The following GPM6A variants were observed in gnomAD, a reference collection of about 807,000 sequenced individuals.
GPM6A encodes the protein neuronal membrane glycoprotein M6-a.
In GPM6A, 7 loss-of-function variants were observed where a neutral mutation model predicts 32.1. The ratio of observed to expected loss-of-function variants is 0.22; its 90% CI spans 0.12 to 0.41. GPM6A has a LOEUF of 0.41. GPM6A is among the 10% of genes least tolerant of loss of function. The pLI, the probability that GPM6A is intolerant of heterozygous loss-of-function variation, is 1.00. For missense variants in GPM6A, 235 were observed against 347.2 expected (o/e 0.68, Z 2.57); for synonymous variants, 130 against 123.4 (o/e 1.05, Z -0.35).
intron 1 of GPM6A, among the ~76,000 whole-genome samples, chr4:175,784,919 G>C (rs1733740046): frequency 6.6e-6 from 1 of 152,140 alleles, no homozygotes; most frequent in South Asian, 2.1e-4. Context: ...CTCAATCCTA[G>C]TAAGAAAAGT....
chr4:175,847,907 A>G (rs755693450), intron 1 of GPM6A, among the ~76,000 whole-genome samples: 14 of 152,192 alleles, frequency 9.2e-5, no homozygotes, highest in East Asian at 1.9e-4. Context: ...GCTCTGATCA[A>G]CGTCAACCAG....
At chr4:175,700,250 A>G (rs1232304891) in intron 2 of GPM6A, among the ~76,000 whole-genome samples, 1 of 152,186 alleles carries the variant, frequency 6.6e-6, no homozygotes, top group African/African-American at 2.4e-5. Flanking sequence ...AAATACTTTG[A>G]AATATACTTT....
chr4:175,670,991 G>A (rs1743029004), intron 3 of GPM6A, among the ~76,000 whole-genome samples: 1 of 151,082 alleles, frequency 6.6e-6, no homozygotes, highest in Non-Finnish European at 1.5e-5. Context: ...AGCCTCCCAA[G>A]TAGCTGGAAT....
intron 1 of GPM6A, among the ~76,000 whole-genome samples, chr4:175,826,333 A>ATG (rs1166423991): frequency 1.7e-5 from 2 of 120,670 alleles, no homozygotes; most frequent in Non-Finnish European, 3.8e-5. Context: ...AGTGGCGTAC[A>ATG]CGTGTGTGTG....
chr4:175,658,406 G>T (rs1742208587), intron 3 of GPM6A, among the ~76,000 whole-genome samples: 1 of 152,108 alleles, frequency 6.6e-6, no homozygotes, highest in Non-Finnish European at 1.5e-5. Context: ...ATCAGTGGTT[G>T]CCAAGTGTAG....
chr4:175,854,314 T>G (rs1736352021), intron 1 of GPM6A, among the ~76,000 whole-genome samples: 1 of 152,152 alleles, frequency 6.6e-6, no homozygotes, highest in Non-Finnish European at 1.5e-5. Context: ...AAAAGAGGAA[T>G]AAAGTCAGAG....
At chr4:175,636,293 T>TATATATATATATATAC in intron 6 of GPM6A, among the ~76,000 whole-genome samples, 1 of 130,904 alleles carries the variant, frequency 7.6e-6, no homozygotes, top group Non-Finnish European at 1.6e-5. Context: ...TATATATATA[T>TATATATATATATATAC]ATATACATAT....
intron 2 of GPM6A, among the ~76,000 whole-genome samples, chr4:175,694,060 C>T (rs932062193): frequency 6.6e-6 from 1 of 152,124 alleles, no homozygotes; most frequent in Non-Finnish European, 1.5e-5. Context: ...TTGTGAGTTT[C>T]CTGAGGCCTC....
chr4:175,713,137 T>C (rs899434575), intron 1 of GPM6A, among the ~76,000 whole-genome samples: 2 of 152,184 alleles, frequency 1.3e-5, no homozygotes, highest in Non-Finnish European at 2.9e-5. Flanking sequence ...CTGTAAAATG[T>C]TTAGCAAACA....
chr4:175,699,309 G>A (rs1744742817), intron 2 of GPM6A, among the ~76,000 whole-genome samples: 1 of 152,064 alleles, frequency 6.6e-6, no homozygotes, highest in Non-Finnish European at 1.5e-5. Flanking sequence ...TTAAAGGGTT[G>A]ATTCATGCTA....
At chr4:175,707,498 A>C (rs1745264515) in intron 1 of GPM6A, among the ~76,000 whole-genome samples, 1 of 152,174 alleles carries the variant, frequency 6.6e-6, no homozygotes, top group East Asian at 1.9e-4. Context: ...TGTATAAATT[A>C]TTTATGTAAT....
intron 1 of GPM6A, among the ~76,000 whole-genome samples, chr4:175,727,998 C>T (rs904515046): frequency 3.6e-5 from 4 of 110,214 alleles, no homozygotes; most frequent in Non-Finnish European, 7.4e-5. Context: ...AGCGAGACTC[C>T]GTTTCAAAAA....
At chr4:175,897,942 C>G (rs1737846284) in intron 1 of GPM6A, among the ~76,000 whole-genome samples, 1 of 152,152 alleles carries the variant, frequency 6.6e-6, no homozygotes, top group African/African-American at 2.4e-5. Context: ...TTATATTTTA[C>G]TAAAGTTGGC....
At chr4:175,876,102 T>G (rs1163327047) in intron 1 of GPM6A, among the ~76,000 whole-genome samples, 2 of 152,194 alleles carry the variant, frequency 1.3e-5, no homozygotes, top group Non-Finnish European at 2.9e-5. Flanking sequence ...TAGACAAAAT[T>G]TTAATGCAGC....
At chr4:175,985,098 C>T (rs75706591) in intron 1 of GPM6A, among the ~76,000 whole-genome samples, 1,763 of 152,226 alleles carry the variant, frequency 0.012, 28 homozygotes, top group African/African-American at 0.041. Context: ...CTTTTCCTTA[C>T]AGAATTTTAG....
chr4:175,991,048 T>C (rs1279095320), intron 1 of GPM6A, among the ~76,000 whole-genome samples: 1 of 150,688 alleles, frequency 6.6e-6, no homozygotes, highest in Admixed American at 6.6e-5. Context: ...TCTTTTTAAA[T>C]CTTTCTTTCT....
At chr4:175,812,625 G>A, upstream of GPM6A, 2 of 993,548 alleles carry the variant, frequency 2.0e-6, no homozygotes, top group Non-Finnish European at 2.4e-6. Flanking sequence ...ATGGGGAAAA[G>A]AAATTGAGGT....
intron 1 of GPM6A, among the ~76,000 whole-genome samples, chr4:175,907,891 T>C (rs551627073): frequency 1.3e-5 from 2 of 152,306 alleles, no homozygotes; most frequent in East Asian, 1.9e-4. Flanking sequence ...TAAGTTCGTA[T>C]GCTTTTTCCT....
chr4:175,803,268 A>T (rs1047608058), intron 1 of GPM6A, among the ~76,000 whole-genome samples: 1 of 152,122 alleles, frequency 6.6e-6, no homozygotes, highest in Non-Finnish European at 1.5e-5. Context: ...AACGATAAAA[A>T]CTTTACCCTT....
Sources: gnomAD v4.1 joint callset for allele counts (sites outside exome capture counted in the v4.1 genomes callset) on GRCh38, gnomAD v4.1.1 for gene constraint, MANE v1.5 for transcripts, NCBI Gene and HGNC (gene_info 2026-07-23, HGNC 2026-07-21) for gene names.